CEP85L: variants seen among roughly 807,000 people sequenced by gnomAD.
CEP85L encodes the protein centrosomal protein 85L, also known as centrosomal protein of 85 kDa-like.
CEP85L carries 60 observed loss-of-function variants against 100.3 expected under a neutral mutation model. The ratio of observed to expected loss-of-function variants is 0.60; its 90% CI spans 0.49 to 0.74. The LOEUF is 0.74. Ranked by LOEUF, CEP85L falls within the 30% of genes least tolerant of loss-of-function variation. The probability of loss-of-function intolerance (pLI) is 0.00; values close to 1 mark genes in which losing one functional copy is unlikely to be tolerated. For synonymous variants in CEP85L, 319 were observed against 322.7 expected (o/e 0.99, Z 0.12); for missense variants, 973 against 936.2 (o/e 1.04, Z -0.51).
At chr6:118,502,025 G>C in intron 5 of CEP85L, 1 of 839,682 alleles carries the variant, frequency 1.2e-6, no homozygotes, top group South Asian at 1.5e-5. Context: ...TTTGAAAGAA[G>C]AAAACCAGAT....
chr6:118,577,108 T>C (rs1233688640), intron 2 of CEP85L, among the ~76,000 whole-genome samples: 2 of 152,178 alleles, frequency 1.3e-5, no homozygotes, highest in Non-Finnish European at 2.9e-5. Flanking sequence ...CTGAGGGCTA[T>C]CCAACCCCGT....
chr6:118,624,524 C>T (rs1347434946), intron 2 of CEP85L, among the ~76,000 whole-genome samples: 2 of 152,184 alleles, frequency 1.3e-5, no homozygotes, highest in East Asian at 3.8e-4. Flanking sequence ...TCCCCAACTG[C>T]ACTTGCTTCT....
chr6:118,688,387 GTT>G (rs1418007899), intron 1 of CEP85L, among the ~76,000 whole-genome samples: 1 of 152,102 alleles, frequency 6.6e-6, no homozygotes, highest in Non-Finnish European at 1.5e-5. Flanking sequence ...CAGGTACTTT[GTT>G]TATCTTTTTC....
intron 3 of CEP85L, among the ~76,000 whole-genome samples, chr6:118,563,861 T>C (rs1209056441): frequency 6.6e-6 from 1 of 152,220 alleles, no homozygotes; most frequent in Non-Finnish European, 1.5e-5. Context: ...CTTTTTTCTG[T>C]AGTTTTCTAA....
chr6:118,484,356 A>T (rs981465688), intron 6 of CEP85L, among the ~76,000 whole-genome samples: 1 of 152,158 alleles, frequency 6.6e-6, no homozygotes, highest in African/African-American at 2.4e-5. Flanking sequence ...CACTTAAAAA[A>T]ATTTATGTCA....
chr6:118,501,616 G>T, intron 5 of CEP85L: 1 of 610,956 alleles, frequency 1.6e-6, no homozygotes, highest in South Asian at 1.4e-5. Flanking sequence ...CTAATGCCAT[G>T]ATTTACAACA....
Position 118,565,817 on chromosome 6 carries a change from G to A in CEP85L, c.732C>T (p.Ser244=), listed in dbSNP as rs778281609. 3 of 1,614,094 alleles carry A rather than the reference G, an allele frequency of 1.9e-6. No homozygotes were observed. Among genetic ancestry groups the A allele is most frequent in the South Asian group, 1.1e-5 (1 of 91,082 alleles). Residue 244 remains serine, a synonymous_variant, in exon 3 of 13, where the codon TCC becomes TCT. Coordinates refer to ENST00000368491, the MANE Select transcript of CEP85L (RefSeq NM_001042475.3). The part of the protein sequence containing the change: ...SCSKEDFRAS[S]STLRRQPVDM... Reference sequence around the variant, plus strand: ...CTACAGGCTGTCTCCTAAGAGTAGAGGAAGAGGCTCTAAAGTCCTCCTTGC... The same window carrying A: ...CTACAGGCTGTCTCCTAAGAGTAGAAGAAGAGGCTCTAAAGTCCTCCTTGC...
At chr6:118,541,936 T>A (rs867505459) in intron 3 of CEP85L, among the ~76,000 whole-genome samples, 1 of 152,278 alleles carries the variant, frequency 6.6e-6, no homozygotes, top group African/African-American at 2.4e-5. Flanking sequence ...ATCTTGAAAA[T>A]TATTACATTT....
chr6:118,580,005 G>T (rs990839708), intron 2 of CEP85L, among the ~76,000 whole-genome samples: 1 of 152,160 alleles, frequency 6.6e-6, no homozygotes, highest in Non-Finnish European at 1.5e-5. Flanking sequence ...ATATTAAAAG[G>T]CTAGGGTGGG....
intron 1 of CEP85L, among the ~76,000 whole-genome samples, chr6:118,704,722 C>T (rs184107229): frequency 3.3e-5 from 5 of 152,232 alleles, no homozygotes; most frequent in African/African-American, 1.2e-4. Context: ...CCTCCTGCCT[C>T]GGCCTCCCAC....
intron 1 of CEP85L, among the ~76,000 whole-genome samples, chr6:118,649,437 TTAAA>T (rs1228749224): frequency 6.6e-6 from 1 of 152,196 alleles, no homozygotes; most frequent in Non-Finnish European, 1.5e-5. Context: ...TTACCTAACT[TTAAA>T]TACTAAAATG....
At chr6:118,649,100 ACAAGTTTTT>A (rs1775385996) in intron 1 of CEP85L, among the ~76,000 whole-genome samples, 1 of 152,220 alleles carries the variant, frequency 6.6e-6, no homozygotes, top group South Asian at 2.1e-4. Context: ...AAGAAGCAAC[ACAAGTTTTT>A]CATCTAAGGT....
At chr6:118,509,683 G>A (rs772480341) in intron 5 of CEP85L, among the ~76,000 whole-genome samples, 7 of 152,092 alleles carry the variant, frequency 4.6e-5, no homozygotes, top group East Asian at 1.9e-4. Context: ...AATAAAGGCC[G>A]TAATGAAGAG....
intron 2 of CEP85L, among the ~76,000 whole-genome samples, chr6:118,576,717 C>A (rs1300088021): frequency 6.6e-6 from 1 of 152,084 alleles, no homozygotes; most frequent in Non-Finnish European, 1.5e-5. Flanking sequence ...TAGGGCACTG[C>A]CCTAAAACCA....
At chr6:118,616,309 T>G (rs961962404) in intron 2 of CEP85L, among the ~76,000 whole-genome samples, 2 of 151,798 alleles carry the variant, frequency 1.3e-5, no homozygotes, top group Non-Finnish European at 2.9e-5. Flanking sequence ...GAGGATCACT[T>G]GAGCCCAGGA....
At chr6:118,659,986 C>T (rs574276744) in intron 1 of CEP85L, among the ~76,000 whole-genome samples, 1 of 152,352 alleles carries the variant, frequency 6.6e-6, no homozygotes, top group African/African-American at 2.4e-5. Context: ...GAATTTTTAT[C>T]TTCCCACATA....
chr6:118,686,429 G>T (rs956390404), intron 1 of CEP85L, among the ~76,000 whole-genome samples: 2 of 151,986 alleles, frequency 1.3e-5, no homozygotes, highest in Non-Finnish European at 2.9e-5. Flanking sequence ...TCCATATATA[G>T]ATTTTCTTTT....
chr6:118,536,789 A>C (rs1188151403), intron 3 of CEP85L, among the ~76,000 whole-genome samples: 1 of 152,210 alleles, frequency 6.6e-6, no homozygotes, highest in African/African-American at 2.4e-5. Flanking sequence ...GAACTCTAGG[A>C]GAACAAAGAA....
chr6:118,491,717 A>G lies in CEP85L; in HGVS notation c.1406T>C (p.Phe469Ser). ...CTCTAGTTTCTTCTTCTCTTCACTAAATAGGCTTAGTCTTTGTTTGAGAAA... is the reference window on the plus strand; with the variant it reads ...CTCTAGTTTCTTCTTCTCTTCACTAGATAGGCTTAGTCTTTGTTTGAGAAA... The part of the protein sequence containing the change: ...NEFLKQRLSL[F>S]SEEKKKLEEK... Residue 469 changes from phenylalanine (F) to serine (S), a missense_variant, in exon 6 of 13, where the codon TTT (phenylalanine) becomes TCT (serine). By Grantham distance (155) the Phe-to-Ser change is radical. Transcript: ENST00000368491. 6.2e-7 allele frequency: 1 copy of G among 1,612,914 alleles called. No homozygotes were observed.
Sources: gnomAD v4.1 joint callset for allele counts (sites outside exome capture counted in the v4.1 genomes callset) on GRCh38, gnomAD v4.1.1 for gene constraint, MANE v1.5 for transcripts, NCBI Gene and HGNC (gene_info 2026-07-23, HGNC 2026-07-21) for gene names.